The following TMC2 variants were observed in gnomAD, a reference collection of about 807,000 sequenced individuals.
TMC2 encodes transmembrane channel-like protein 2.
In TMC2, 102 loss-of-function variants were observed where a neutral mutation model predicts 105.9. That is an observed-to-expected ratio of 0.96 (90% CI 0.82 to 1.14). TMC2 has a LOEUF of 1.14. Among genes scored for constraint, TMC2 ranks in the 50% most tolerant of loss-of-function variants. TMC2 has a pLI of 0.00. For missense variants in TMC2, 1,093 were observed against 1,134.3 expected (o/e 0.96, Z 0.52); for synonymous variants, 402 against 422.8 (o/e 0.95, Z 0.60).
intron 11 of TMC2, among the ~76,000 whole-genome samples, chr20:2,607,761 T>C (rs1322971439): frequency 6.6e-6 from 1 of 152,238 alleles, no homozygotes; most frequent in African/African-American, 2.4e-5. Flanking sequence ...CTTCATTGTC[T>C]ATGTGTTTTT....
intron 2 of TMC2, among the ~76,000 whole-genome samples, chr20:2,545,869 GAAAGAAAGAA>G (rs1264615974): frequency 3.9e-5 from 5 of 127,856 alleles, no homozygotes; most frequent in African/African-American, 3.0e-5. Flanking sequence ...GAAAGAAAAA[GAAAGAAAGAA>G]AAAGAAAGAA....
chr20:2,554,972 A>G (rs1009188325), intron 2 of TMC2, among the ~76,000 whole-genome samples: 1 of 152,232 alleles, frequency 6.6e-6, no homozygotes, highest in Admixed American at 6.5e-5. Context: ...CAGTTCAACT[A>G]TGTCCTTACT....
At chr20:2,537,499 AG>A (rs1244392237) in intron 2 of TMC2, among the ~76,000 whole-genome samples, 183 bp downstream of exon 2, 1 of 152,094 alleles carries the variant, frequency 6.6e-6, no homozygotes, top group East Asian at 1.9e-4. Context: ...TACCACTCAG[AG>A]AAGGTGCTGC....
In TMC2 at chr20:2,597,186, G is replaced by C; in HGVS notation, c.1112G>C (p.Gly371Ala). Residue 371 changes from glycine to alanine, a missense_variant, in exon 10 of 20, where the codon GGG becomes GCG. Gly to Ala is a moderately conservative substitution (Grantham distance 60). Coordinates refer to ENST00000358864, the MANE Select transcript of TMC2 (RefSeq NM_080751.3). Reference sequence around the variant, plus strand: ...AATACCCAAGGAAGCACAGGCGAAGGGGAGAGTGACAACTTCACATTCAGC... The same window carrying C: ...AATACCCAAGGAAGCACAGGCGAAGCGGAGAGTGACAACTTCACATTCAGC... ...ASNTQGSTGE[G>A]ESDNFTFSFK... 6.2e-7 allele frequency: 1 copy of C among 1,614,098 alleles called. No homozygotes were observed. The highest frequency in any genetic ancestry group is 8.5e-7 in the Non-Finnish European group (1 of 1,179,964).
intron 11 of TMC2, among the ~76,000 whole-genome samples, chr20:2,602,563 C>T (rs1468479951): frequency 2.0e-5 from 3 of 152,188 alleles, no homozygotes; most frequent in Non-Finnish European, 4.4e-5. Flanking sequence ...ACTAACGAGG[C>T]GATCCTTTCC....
chr20:2,538,082 G>A (rs1158723658), intron 2 of TMC2, among the ~76,000 whole-genome samples: 2 of 152,036 alleles, frequency 1.3e-5, no homozygotes, highest in African/African-American at 2.4e-5. Flanking sequence ...CCCTCCTGTG[G>A]GAGGGCCCTG....
chr20:2,563,550 A>C (rs1256610167), intron 4 of TMC2, among the ~76,000 whole-genome samples: 1 of 152,244 alleles, frequency 6.6e-6, no homozygotes, highest in African/African-American at 2.4e-5. Flanking sequence ...ATTTATGTAT[A>C]GCATAGTGAC....
chr20:2,636,459 T>TAC (rs3051763), intron 18 of TMC2, among the ~76,000 whole-genome samples: 8,514 of 143,344 alleles, frequency 0.059, 252 homozygotes, highest in African/African-American at 0.08. Flanking sequence ...GACTGCTGTC[T>TAC]ACACACACAC....
chr20:2,547,747 A>G (rs1416679664), intron 2 of TMC2, among the ~76,000 whole-genome samples: 3 of 152,246 alleles, frequency 2.0e-5, no homozygotes, highest in Non-Finnish European at 4.4e-5. Flanking sequence ...GAAAGTGGCA[A>G]TAAAACATTT....
intron 19 of TMC2, among the ~76,000 whole-genome samples, chr20:2,638,094 C>T (rs2086661612): frequency 6.6e-6 from 1 of 152,214 alleles, no homozygotes; most frequent in South Asian, 2.1e-4. Flanking sequence ...GCAATCCCAG[C>T]ACTTTGGGAG....
rs552990051 is a variant in TMC2 at position 2,642,880 on chromosome 20, C to T, written c.*1529C>T. On this transcript the variant is annotated 3_prime_UTR_variant, in exon 20 of 20. Coordinates refer to ENST00000358864, the MANE Select transcript of TMC2 (RefSeq NM_080751.3). ...CTCATCAACTGTTACAGCCACCACC[C>T]AACCAGGCCCCCAGGGGTTCTCAGG... Among the ~76,000 whole-genome samples, 11 of 152,206 alleles carry T rather than the reference C, an allele frequency of 7.2e-5. No homozygotes were observed. In the South Asian group the frequency reaches 1.5e-3, roughly 20 times the overall value.
rs2086459953 is a variant in TMC2 at position 2,613,633 on chromosome 20, A to AG, written c.1872+312dup. 5.5e-6 allele frequency: 2 copies of AG among 363,150 alleles called. 1 individual carries two copies. Among genetic ancestry groups the AG allele is most frequent in the Non-Finnish European group, 1.1e-5 (2 of 187,900 alleles). The allele number at this position is 363,150 out of a possible 1,614,324, so 22.5% of individuals were successfully genotyped here. A position where few individuals can be genotyped will look rare whatever the true frequency, so the allele number is the denominator to read the frequency against. On this transcript the variant is annotated intron_variant, in intron 14 of 19. Coordinates refer to ENST00000358864, the MANE Select transcript of TMC2 (RefSeq NM_080751.3). ...AATGGTTGATAGGGAATTGCATCTG[A>AG]GCAGCCTCAACTCTCATTATGGGGG... is the stretch of plus-strand genomic sequence containing the variant.
intron 2 of TMC2, among the ~76,000 whole-genome samples, chr20:2,545,912 G>GAA: frequency 6.9e-6 from 1 of 145,220 alleles, no homozygotes; most frequent in African/African-American, 2.7e-5. Context: ...AAGAAAAAAA[G>GAA]AAAGAAATGA....
chr20:2,571,715 T>C lies in TMC2; in HGVS notation c.555-464T>C, dbSNP rs113818983. Among the ~76,000 whole-genome samples, 413 of 152,306 alleles carry C rather than the reference T, an allele frequency of 2.7e-3. 3 individuals carry two copies. Among genetic ancestry groups the C allele is most frequent in the African/African-American group, 8.1e-3 (336 of 41,580 alleles). ...AATCTCCTTATTTTAAAATCAATAA[T>C]CTTGGCCGGGCATGGTGGTTCACAC... is the stretch of plus-strand genomic sequence containing the variant. On this transcript the variant is annotated intron_variant, in intron 4 of 19. Transcript: ENST00000358864.
intron 2 of TMC2, among the ~76,000 whole-genome samples, chr20:2,542,478 T>C (rs771459886): frequency 1.7e-4 from 26 of 152,144 alleles, no homozygotes; most frequent in Non-Finnish European, 2.6e-4. Context: ...AATGGAAATA[T>C]ATGTCCTGCT....
chr20:2,584,453 A>G (rs943869344), intron 7 of TMC2, among the ~76,000 whole-genome samples: 2 of 151,584 alleles, frequency 1.3e-5, no homozygotes, highest in Non-Finnish European at 2.9e-5. Context: ...CAAAAAAAAA[A>G]AAAAAAAGAA....
rs1348474728 is a variant in TMC2 at position 2,641,212 on chromosome 20, G to T, written c.2582G>T (p.Ser861Ile). 3.7e-6 allele frequency: 6 copies of T among 1,614,166 alleles called. No homozygotes were observed. The highest frequency in any genetic ancestry group is 1.7e-5 in the Admixed American group (1 of 60,012). ...GGCCCTGGGACCTCCAATTCTGCCA[G>T]CAGGACCACACTGCCTGCCTCTGGA... ...AQGPGTSNSA[S>I]RTTLPASGHL... The change falls in exon 20 of 20, where the codon AGC (serine) becomes ATC (isoleucine). Residue 861 changes from serine (S) to isoleucine (I), a missense_variant. By Grantham distance (142) the Ser-to-Ile change is moderately radical (BLOSUM62 -2). Coordinates refer to ENST00000358864, the MANE Select transcript of TMC2 (RefSeq NM_080751.3).
intron 10 of TMC2, among the ~76,000 whole-genome samples, chr20:2,598,481 C>A (rs767083631): frequency 6.6e-6 from 1 of 151,860 alleles, no homozygotes; most frequent in Non-Finnish European, 1.5e-5. Flanking sequence ...GTGGCAAAAT[C>A]TCAGCTCACT....
At chr20:2,574,353 T>C (rs2086127639) in intron 5 of TMC2, among the ~76,000 whole-genome samples, 1 of 152,276 alleles carries the variant, frequency 6.6e-6, no homozygotes, top group Non-Finnish European at 1.5e-5. Context: ...AGTGTATGCA[T>C]GTGCAGTATC....
Sources: gnomAD v4.1 joint callset for allele counts (sites outside exome capture counted in the v4.1 genomes callset) on GRCh38, gnomAD v4.1.1 for gene constraint, MANE v1.5 for transcripts, NCBI Gene and HGNC (gene_info 2026-07-23, HGNC 2026-07-21) for gene names.